Variants in RARB observed in about 807,000 individuals in gnomAD.
RARB encodes retinoic acid receptor beta.
A neutral mutation model predicts 51.9 loss-of-function variants in RARB; 17 were observed. The observed-to-expected ratio is 0.33, with a 90% CI of 0.22 to 0.49. The LOEUF is 0.49. Among genes scored for constraint, RARB ranks in the 20% least tolerant of loss-of-function variants. RARB has a pLI of 0.99. For synonymous variants in RARB, 215 were observed against 195.4 expected, an observed-to-expected ratio of 1.10 and a Z score of -0.84; for missense variants, 369 against 550.8, an observed-to-expected ratio of 0.67 and a Z score of 3.30.
chr3:25,499,337 A>T (rs1387860075), intron 2 of RARB, among the ~76,000 whole-genome samples: 2 of 152,208 alleles, frequency 1.3e-5, no homozygotes, highest in Non-Finnish European at 2.9e-5. Context: ...GTGTAGGTAT[A>T]AGTCACATCA....
At chr3:25,491,234 G>A (rs1427034033) in intron 2 of RARB, among the ~76,000 whole-genome samples, 2 of 152,134 alleles carry the variant, frequency 1.3e-5, no homozygotes, top group East Asian at 1.9e-4. Context: ...TAGTTTCAAA[G>A]AAGTTCTTTG....
At chr3:25,372,634 CA>C (rs1191409111) in intron 5 of RARB, among the ~76,000 whole-genome samples, 1 of 152,098 alleles carries the variant, frequency 6.6e-6, no homozygotes, top group Non-Finnish European at 1.5e-5. Flanking sequence ...CCAGCCTAGG[CA>C]AACATAATGA....
In RARB at chr3:25,494,250, T is replaced by TACACACACACACACACACACAC. The variant is rs142658742; in HGVS notation, c.307-6930_307-6929insACACACACACACACACACACAC. On this transcript the variant is annotated intron_variant, in intron 2 of 7. Coordinates refer to ENST00000330688, the MANE Select transcript of RARB (RefSeq NM_000965.5). ...TTAGCCCCCTTTTCCAGCTGTATCT[T>TACACACACACACACACACACAC]ACGCACACACACACACACACACACA... Among the ~76,000 whole-genome samples, 434 of 137,150 alleles carry TACACACACACACACACACACAC rather than the reference T, an allele frequency of 3.2e-3. 7 individuals carry two copies. Among genetic ancestry groups the TACACACACACACACACACACAC allele is most frequent in the African/African-American group, 0.01 (402 of 38,730 alleles). 90.0% of individuals were successfully genotyped at this position (137,150 alleles called of 152,430 possible).
chr3:24,977,486 A>T (rs1386957072), intron 2 of RARB, among the ~76,000 whole-genome samples: 1 of 152,118 alleles, frequency 6.6e-6, no homozygotes, highest in Non-Finnish European at 1.5e-5. Context: ...CATCCCTTGT[A>T]AGTTGGATTC....
intron 5 of RARB, among the ~76,000 whole-genome samples, chr3:25,404,142 T>C (rs1180039018): frequency 2.0e-5 from 3 of 152,200 alleles, no homozygotes; most frequent in Non-Finnish European, 4.4e-5. Flanking sequence ...GTGATATTTG[T>C]CAACGTGTCA....
At chr3:25,071,527 C>A (rs973636765) in intron 3 of RARB, among the ~76,000 whole-genome samples, 1 of 152,092 alleles carries the variant, frequency 6.6e-6, no homozygotes, top group Non-Finnish European at 1.5e-5. Context: ...TCTTGCCAAA[C>A]GGGAAAAACA....
chr3:24,953,546 T>C (rs1418926854), intron 2 of RARB, among the ~76,000 whole-genome samples: 1 of 152,180 alleles, frequency 6.6e-6, no homozygotes, highest in Non-Finnish European at 1.5e-5. Context: ...AAAGCTTGGC[T>C]CTGGAGTGTC....
intron 5 of RARB, among the ~76,000 whole-genome samples, chr3:25,343,803 G>A (rs1011983454): frequency 6.6e-6 from 1 of 152,128 alleles, no homozygotes; most frequent in Non-Finnish European, 1.5e-5. Context: ...ACATGTTCAG[G>A]TGTGGCAAAG....
intron 3 of RARB, among the ~76,000 whole-genome samples, chr3:25,111,991 T>C (rs1699610517): frequency 1.3e-5 from 2 of 152,206 alleles, no homozygotes; most frequent in Non-Finnish European, 2.9e-5. Flanking sequence ...AATGTTTTTG[T>C]GTTAGATTAT....
intron 3 of RARB, among the ~76,000 whole-genome samples, chr3:25,092,655 AT>A: frequency 6.6e-6 from 1 of 152,092 alleles, no homozygotes; most frequent in East Asian, 1.9e-4. Context: ...AATGTGGGAG[AT>A]TTTTTTAATT....
At chr3:24,864,489 A>G (rs1319562118) in intron 2 of RARB, among the ~76,000 whole-genome samples, 2 of 152,082 alleles carry the variant, frequency 1.3e-5, no homozygotes, top group African/African-American at 4.8e-5. Flanking sequence ...CTGTCTTCTG[A>G]ATCTATACTT....
chr3:24,876,838 A>AAAC (rs1703054023), intron 2 of RARB, among the ~76,000 whole-genome samples: 1 of 152,200 alleles, frequency 6.6e-6, no homozygotes, highest in East Asian at 1.9e-4. Context: ...GTGGCATTTC[A>AAAC]TTTATCAGAT....
intron 2 of RARB, among the ~76,000 whole-genome samples, chr3:24,983,403 C>T (rs1010475640): frequency 3.3e-5 from 5 of 151,954 alleles, no homozygotes; most frequent in African/African-American, 1.2e-4. Context: ...TGCTGGGATA[C>T]ATGTGCAGAA....
intron 3 of RARB, among the ~76,000 whole-genome samples, chr3:25,565,113 C>T (rs1481875162): frequency 3.3e-5 from 5 of 152,208 alleles, no homozygotes; most frequent in Admixed American, 6.5e-5. Flanking sequence ...TAGCATCCTT[C>T]ATTGTACTCA....
chr3:25,319,340 T>C (rs1704506320), intron 5 of RARB, among the ~76,000 whole-genome samples: 1 of 152,222 alleles, frequency 6.6e-6, no homozygotes, highest in African/African-American at 2.4e-5. Context: ...AGTATCTTAA[T>C]AGCATCCATT....
chr3:25,034,258 C>T (rs911856660), intron 2 of RARB, among the ~76,000 whole-genome samples: 2 of 152,164 alleles, frequency 1.3e-5, no homozygotes. Context: ...TGCAGTGAGT[C>T]AAGATCGCAC....
intron 5 of RARB, among the ~76,000 whole-genome samples, chr3:25,318,067 A>G (rs1704474500): frequency 6.6e-6 from 1 of 152,238 alleles, no homozygotes; most frequent in Non-Finnish European, 1.5e-5. Context: ...GAGTTCCTCC[A>G]GCAAAATTTG....
chr3:24,886,297 A>T (rs1703264692), intron 2 of RARB, among the ~76,000 whole-genome samples: 1 of 151,974 alleles, frequency 6.6e-6, no homozygotes, highest in Non-Finnish European at 1.5e-5. Context: ...TGATTCACTC[A>T]TTTCTTTGGA....
intron 3 of RARB, among the ~76,000 whole-genome samples, chr3:25,503,194 A>G (rs536081962): frequency 1.4e-3 from 218 of 152,350 alleles, no homozygotes; most frequent in African/African-American, 4.9e-3. Context: ...CTAACATTCA[A>G]TTGGCTCAGG....
Sources: allele counts gnomAD v4.1 joint callset (sites outside exome capture counted in the v4.1 genomes callset), GRCh38; gene constraint gnomAD v4.1.1; transcripts MANE v1.5; gene names NCBI Gene and HGNC (gene_info 2026-07-23, HGNC 2026-07-21).